The following ERGIC1 variants were observed in gnomAD, a reference collection of about 807,000 sequenced individuals.
ERGIC1 encodes the protein endoplasmic reticulum-Golgi intermediate compartment protein 1.
In ERGIC1, 19 loss-of-function variants were observed where a neutral mutation model predicts 38.3. The ratio of observed to expected loss-of-function variants is 0.50; its 90% CI spans 0.35 to 0.73. ERGIC1 has a LOEUF of 0.73. ERGIC1 is among the 30% of genes least tolerant of loss of function. ERGIC1 has a pLI of 0.01. For synonymous variants in ERGIC1, 124 were observed against 157.6 expected (o/e 0.79, Z 1.60); for missense variants, 294 against 389.2 (o/e 0.76, Z 2.06).
intron 1 of ERGIC1, among the ~76,000 whole-genome samples, chr5:172,861,767 G>A (rs1473853023): frequency 6.6e-6 from 1 of 152,160 alleles, no homozygotes; most frequent in Non-Finnish European, 1.5e-5. Flanking sequence ...TGCCAGGATA[G>A]CCTGGTGCTC....
intron 1 of ERGIC1, among the ~76,000 whole-genome samples, chr5:172,845,698 T>C (rs1333960234): frequency 1.3e-5 from 2 of 152,240 alleles, no homozygotes; most frequent in East Asian, 3.8e-4. Flanking sequence ...ACAGAAAAGC[T>C]GCAAAGCTAG....
At chr5:172,920,932 C>T (rs1400618458) in intron 5 of ERGIC1, among the ~76,000 whole-genome samples, 1 of 152,166 alleles carries the variant, frequency 6.6e-6, no homozygotes, top group Non-Finnish European at 1.5e-5. Context: ...GAAAATGTAC[C>T]CAGGCATTAT....
intron 5 of ERGIC1, 90 bp downstream of exon 5, chr5:172,914,928 C>A: frequency 1.3e-6 from 2 of 1,575,524 alleles, no homozygotes; most frequent in Non-Finnish European, 8.7e-7. Flanking sequence ...GGCACTCACT[C>A]GACCTGACCC....
chr5:172,877,408 A>ATGTGTGTGTGTG (rs1319990358), intron 1 of ERGIC1, among the ~76,000 whole-genome samples: 5 of 116,754 alleles, frequency 4.3e-5, no homozygotes, highest in African/African-American at 1.6e-4. Flanking sequence ...AATATTATAT[A>ATGTGTGTGTGTG]TATGTGTGTG....
rs566132818 is a variant in ERGIC1 at position 172,879,538 on chromosome 5, G to A, written c.21-9161G>A. On this transcript the variant is annotated intron_variant, in intron 1 of 9. Coordinates refer to ENST00000393784, the MANE Select transcript of ERGIC1 (RefSeq NM_001031711.3). ...AGTAAGTCACAAAGTAAATTCAGAC[G>A]GACTTCATCTTTTCCCTATGGGTTC... Among the ~76,000 whole-genome samples the A allele has an allele frequency of 5.3e-5, 8 of 152,300 alleles. No individual in the cohort carries two copies. In the East Asian group the frequency reaches 7.7e-4, roughly 15 times the overall value.
intron 9 of ERGIC1, among the ~76,000 whole-genome samples, chr5:172,941,511 C>T (rs573261732): frequency 6.6e-6 from 1 of 152,260 alleles, no homozygotes; most frequent in East Asian, 1.9e-4. Context: ...GACCCCAGTG[C>T]CTGCCTCTGC....
At chr5:172,892,300 G>A (rs1461096092) in intron 2 of ERGIC1, among the ~76,000 whole-genome samples, 2 of 152,170 alleles carry the variant, frequency 1.3e-5, no homozygotes, top group South Asian at 2.1e-4. Context: ...CTGATGAACG[G>A]GGCTTCCATC....
In ERGIC1 at chr5:172,907,704, C is replaced by G. The variant is rs962231098; in HGVS notation, c.156-1963C>G. Among the ~76,000 whole-genome samples, 3 of 152,148 alleles carry G rather than the reference C, an allele frequency of 2.0e-5. No homozygotes were observed. The South Asian group carries it at 6.2e-4, about 31-fold the overall frequency. On this transcript the variant is annotated intron_variant, in intron 3 of 9. Transcript: ENST00000393784. The stretch of plus-strand genomic sequence containing the variant: ...GATGATGCCTACGCATCCCCCAGAC[C>G]TCAATCACACCTCAGAGAGGTCTTC...
intron 1 of ERGIC1, among the ~76,000 whole-genome samples, chr5:172,869,168 A>G (rs1455973671): frequency 6.6e-6 from 1 of 152,268 alleles, no homozygotes; most frequent in Non-Finnish European, 1.5e-5. Flanking sequence ...GGGCTCTGCC[A>G]GTGTATAGAC....
rs980364627 is a variant in ERGIC1 at position 172,834,924 on chromosome 5, C to G, written c.20+491C>G. Among the ~76,000 whole-genome samples the G allele has an allele frequency of 6.6e-6, 1 of 152,194 alleles. No homozygotes were observed. The highest frequency in any genetic ancestry group is 2.4e-5 in the African/African-American group (1 of 41,438). ...AAGTTTCTATAGCCTGAGGCTCCCC[C>G]AGGCCGGGCAGATCGGGAGGCCTGC... On this transcript the variant is annotated intron_variant, in intron 1 of 9. Coordinates refer to ENST00000393784, the MANE Select transcript of ERGIC1 (RefSeq NM_001031711.3). This position sits in a 1 kb window ranked among gnomAD's most constrained non-coding sequence, Gnocchi z 4.1.
At chr5:172,847,625 T>C (rs1761311254) in intron 1 of ERGIC1, among the ~76,000 whole-genome samples, 1 of 152,184 alleles carries the variant, frequency 6.6e-6, no homozygotes, top group African/African-American at 2.4e-5. Context: ...GTGATTCTTC[T>C]GCCTCAGCCT....
chr5:172,875,698 A>G (rs773749472), intron 1 of ERGIC1, among the ~76,000 whole-genome samples: 1 of 152,056 alleles, frequency 6.6e-6, no homozygotes, highest in Non-Finnish European at 1.5e-5. Context: ...TGCTCAAGTG[A>G]TCCTCCCACC....
chr5:172,899,004 G>T (rs1417925914), intron 3 of ERGIC1, among the ~76,000 whole-genome samples: 1 of 152,138 alleles, frequency 6.6e-6, no homozygotes, highest in African/African-American at 2.4e-5. Context: ...GCCTCTGCAG[G>T]CTGTACCCCA....
At chr5:172,913,035 C>G (rs1763246499) in intron 4 of ERGIC1, among the ~76,000 whole-genome samples, 1 of 150,360 alleles carries the variant, frequency 6.7e-6, no homozygotes, top group African/African-American at 2.5e-5. Context: ...TCCCAAAGTG[C>G]TGCGATTACC....
chr5:172,872,739 C>T (rs537998374), intron 1 of ERGIC1, among the ~76,000 whole-genome samples: 1 of 151,844 alleles, frequency 6.6e-6, no homozygotes, highest in Admixed American at 6.6e-5. Context: ...TGCTTGAGCC[C>T]GGGATGGGGA....
chr5:172,849,744 T>G (rs1223537010), intron 1 of ERGIC1, among the ~76,000 whole-genome samples: 1 of 152,180 alleles, frequency 6.6e-6, no homozygotes, highest in Non-Finnish European at 1.5e-5. Context: ...GGGTCTCCTC[T>G]CTGTCCTGGT....
chr5:172,920,222 T>G (rs1763475884), intron 5 of ERGIC1: 1 of 677,746 alleles, frequency 1.5e-6, no homozygotes, highest in African/African-American at 1.8e-5. Flanking sequence ...CACTTTCCCT[T>G]TGAGGAACCG....
chr5:172,869,190 C>T (rs751451325), intron 1 of ERGIC1, among the ~76,000 whole-genome samples: 9 of 152,206 alleles, frequency 5.9e-5, no homozygotes, highest in Non-Finnish European at 8.8e-5. Context: ...GATCTTCCCC[C>T]CTGGGGAGGA....
intron 1 of ERGIC1, chr5:172,867,591 C>T (rs1299384851): frequency 2.5e-6 from 1 of 407,854 alleles, no homozygotes. Flanking sequence ...CTAGCCGCCC[C>T]CTGTCCTCTG....
Sources: allele counts gnomAD v4.1 joint callset (sites outside exome capture counted in the v4.1 genomes callset), GRCh38; gene constraint gnomAD v4.1.1; non-coding constraint Gnocchi (gnomAD v3.1); transcripts MANE v1.5; gene names NCBI Gene and HGNC (gene_info 2026-07-23, HGNC 2026-07-21).